The following RSBN1 variants were observed in gnomAD, a reference collection of about 807,000 sequenced individuals.
The protein encoded by RSBN1 is round spermatid basic protein 1.
RSBN1 carries 23 observed loss-of-function variants against 74.8 expected under a neutral mutation model. The ratio of observed to expected loss-of-function variants is 0.31; its 90% CI spans 0.22 to 0.44. The LOEUF (loss-of-function observed/expected upper bound fraction) is 0.44, where lower values mean the gene tolerates loss of function less well. RSBN1 is among the 20% of genes least tolerant of loss of function. RSBN1 has a pLI of 1.00. For missense variants in RSBN1, 808 were observed against 1,020.9 expected, an observed-to-expected ratio of 0.79 and a Z score of 2.84; for synonymous variants, 407 against 379.6, an observed-to-expected ratio of 1.07 and a Z score of -0.84.
Position 113,812,010 on chromosome 1 carries a change from G to A in RSBN1, c.403C>T (p.Pro135Ser). Residue 135 changes from proline (P) to serine (S), a missense_variant, in exon 1 of 7, where the codon CCA (proline) becomes TCA (serine). By Grantham distance (74) the Pro-to-Ser change is moderately conservative (BLOSUM62 -1). Transcript: ENST00000261441. Reference sequence around the variant, plus strand: ...AGGAGAAGAGGCTCAACAGGGCCTGGGACAGTTGGGGCTGCATTCGTTGGC... The same window carrying A: ...AGGAGAAGAGGCTCAACAGGGCCTGAGACAGTTGGGGCTGCATTCGTTGGC... ...LPPTNAAPTVPGPVEPLLLPP... is the reference protein window; with the variant it reads ...LPPTNAAPTVSGPVEPLLLPP... The A allele has an allele frequency of 1.3e-6, 2 of 1,544,686 alleles. No individual in the cohort carries two copies. The highest frequency in any genetic ancestry group is 1.7e-6 in the Non-Finnish European group (2 of 1,145,496).
At position 113,764,341 on chromosome 1, in the gene RSBN1, G is replaced by A. The variant is rs1482460072; in HGVS notation, c.*1639C>T. 6.6e-6 allele frequency: 1 copy of A among 152,586 alleles called. No individual in the cohort carries two copies. The highest frequency in any genetic ancestry group is 1.9e-4 in the East Asian group (1 of 5,338). The allele number at this position is 152,586 out of a possible 1,614,324, so 9.5% of individuals were successfully genotyped here. A position where few individuals can be genotyped will look rare whatever the true frequency, so the allele number is the denominator to read the frequency against. ...GTATCCCTATTTGTCTTCATCCTTT[G>A]TAACAGAGAATACATACATATACAT... On this transcript the variant is annotated 3_prime_UTR_variant, in exon 7 of 7. Transcript: ENST00000261441.
chr1:113,769,496 T>A (rs530499763), intron 4 of RSBN1, among the ~76,000 whole-genome samples: 1 of 152,182 alleles, frequency 6.6e-6, no homozygotes, highest in Admixed American at 6.6e-5. Flanking sequence ...GAATTAGCCA[T>A]GAGTTGACAG....
chr1:113,780,073 C>T (rs1660108386), intron 2 of RSBN1, among the ~76,000 whole-genome samples: 1 of 151,982 alleles, frequency 6.6e-6, no homozygotes, highest in Non-Finnish European at 1.5e-5. Flanking sequence ...CAACTATTCC[C>T]AGTCTCAGAA....
intron 1 of RSBN1, among the ~76,000 whole-genome samples, chr1:113,809,153 T>TA (rs1053480913): frequency 2.6e-5 from 4 of 152,164 alleles, no homozygotes; most frequent in Non-Finnish European, 5.9e-5. Context: ...TTATTAATCT[T>TA]AGAGTTGTTT....
chr1:113,778,652 T>C (rs1660080223), intron 2 of RSBN1, among the ~76,000 whole-genome samples: 1 of 152,078 alleles, frequency 6.6e-6, no homozygotes, highest in Non-Finnish European at 1.5e-5. Flanking sequence ...CCTCCAGTGA[T>C]TTTTCTCTTG....
chr1:113,809,286 G>T (rs1660780645), intron 1 of RSBN1, among the ~76,000 whole-genome samples: 1 of 152,128 alleles, frequency 6.6e-6, no homozygotes, highest in Non-Finnish European at 1.5e-5. Context: ...CCTTATAAAT[G>T]AAATACCACA....
At chr1:113,794,992 C>G (rs1181841505) in intron 2 of RSBN1, among the ~76,000 whole-genome samples, 1 of 152,146 alleles carries the variant, frequency 6.6e-6, no homozygotes, top group East Asian at 1.9e-4. Context: ...GACTTTATTT[C>G]TAGGTTTAAC....
In RSBN1 at chr1:113,811,714, C is replaced by T; in HGVS notation, c.699G>A (p.Lys233=). 1.9e-6 allele frequency: 3 copies of T among 1,594,356 alleles called. No individual in the cohort carries two copies. The highest frequency in any genetic ancestry group is 1.3e-5 in the African/African-American group (1 of 74,688). The change falls in exon 1 of 7, where the codon AAG becomes AAA. Residue 233 remains lysine (K), a synonymous_variant. Transcript: ENST00000261441. ...TGGVPLIKAP[K]RETPDENGKT... is the part of the protein sequence containing the mutation. ...GGGCAGTTTGCCTGCTCTCACCTCTCTTGGGGGCTTTGATCAGAGGCACCC... is the reference window on the plus strand; with the variant it reads ...GGGCAGTTTGCCTGCTCTCACCTCTTTTGGGGGCTTTGATCAGAGGCACCC...
chr1:113,782,036 T>C (rs1489763816), intron 2 of RSBN1, among the ~76,000 whole-genome samples: 2 of 152,188 alleles, frequency 1.3e-5, no homozygotes, highest in Non-Finnish European at 2.9e-5. Context: ...AGAAAATCCT[T>C]TTTAAGGAAG....
rs58152175 is a variant in RSBN1, at chr1:113,776,810, CAAAAAA to C, written c.1658+394_1658+399del. Among the ~76,000 whole-genome samples, 213 of 90,272 alleles carry C rather than the reference CAAAAAA, an allele frequency of 2.4e-3. 2 individuals carry two copies. The highest frequency in any genetic ancestry group is 8.9e-3 in the African/African-American group (208 of 23,464). The allele number at this position is 90,272 out of a possible 152,430, so 59.2% of individuals were successfully genotyped here. A position where few individuals can be genotyped will look rare whatever the true frequency, so the allele number is the denominator to read the frequency against. ...TGGGCAACAGAGTGAGACCCTATCTCAAAAAAAAAAAAAAAAAAAAAATAGTGCAAA... is the reference window on the plus strand; with the variant it reads ...TGGGCAACAGAGTGAGACCCTATCTCAAAAAAAAAAAAAAAATAGTGCAAA... On this transcript the variant is annotated intron_variant, in intron 4 of 6. Coordinates refer to ENST00000261441, the MANE Select transcript of RSBN1 (RefSeq NM_018364.5).
intron 4 of RSBN1, among the ~76,000 whole-genome samples, chr1:113,775,186 A>T (rs1360337264): frequency 6.6e-6 from 1 of 151,782 alleles, no homozygotes; most frequent in Non-Finnish European, 1.5e-5. Flanking sequence ...CACCATGCCC[A>T]GCTAATTTTT....
chr1:113,777,451 A>G (rs985398237), intron 3 of RSBN1, 99 bp from the exon 4 acceptor site: 10 of 1,176,524 alleles, frequency 8.5e-6, no homozygotes, highest in Non-Finnish European at 1.2e-5. Context: ...CTTTTTTACA[A>G]CTGTATATAA....
chr1:113,798,979 T>A (rs539357311), intron 1 of RSBN1, among the ~76,000 whole-genome samples: 1 of 152,322 alleles, frequency 6.6e-6, no homozygotes, highest in Admixed American at 6.5e-5. Context: ...TTAAGCTTTG[T>A]ATCCCCATCT....
At chr1:113,773,595 G>A (rs1034473927) in intron 4 of RSBN1, among the ~76,000 whole-genome samples, 10 of 152,166 alleles carry the variant, frequency 6.6e-5, no homozygotes, top group Non-Finnish European at 1.3e-4. Flanking sequence ...AAATGTTAGT[G>A]GAGAGTATGA....
intron 4 of RSBN1, among the ~76,000 whole-genome samples, chr1:113,774,749 G>T (rs1480903703): frequency 6.6e-6 from 1 of 151,938 alleles, no homozygotes; most frequent in African/African-American, 2.4e-5. Context: ...CCAGATACTT[G>T]GTGGGGCTGA....
At position 113,768,504 on chromosome 1, in the gene RSBN1, A is replaced by T. The variant is rs1283987062; in HGVS notation, c.1659-115T>A. 13 of 664,120 alleles carry T rather than the reference A, an allele frequency of 2.0e-5. No individual in the cohort carries two copies. In the Admixed American group the frequency reaches 3.6e-4, roughly 18 times the overall value. The allele number at this position is 664,120 out of a possible 1,614,324, so 41.1% of individuals were successfully genotyped here. A position where few individuals can be genotyped will look rare whatever the true frequency, so the allele number is the denominator to read the frequency against. ...TGCTAAAATACCAGATTTAAATAAG[A>T]TGAGGACTGAGAAGGGTTCAATGAT... On this transcript the variant is annotated intron_variant, in intron 4 of 6. Transcript: ENST00000261441.
At chr1:113,788,532 C>T (rs953555924) in intron 2 of RSBN1, among the ~76,000 whole-genome samples, 5 of 152,026 alleles carry the variant, frequency 3.3e-5, no homozygotes, top group African/African-American at 1.2e-4. Context: ...ATTCTGAAAG[C>T]TTCCAGAGAG....
chr1:113,803,017 C>T (rs74519637), intron 1 of RSBN1, among the ~76,000 whole-genome samples: 1,694 of 152,322 alleles, frequency 0.011, 19 homozygotes, highest in Middle Eastern at 0.041. Flanking sequence ...GCAACCCTCT[C>T]TAAAACCCCT....
chr1:113,812,445 A>G lies in RSBN1; in HGVS notation c.-33T>C. 2 of 1,550,198 alleles carry G rather than the reference A, an allele frequency of 1.3e-6. No homozygotes were observed. The highest frequency in any genetic ancestry group is 1.7e-6 in the Non-Finnish European group (2 of 1,155,174). Reference sequence around the variant, plus strand: ...GCGGCCGTTCCCAGCTTTTCTCCGCAGGCCTCTCCAACCGAGCTTCTATTG... The same window carrying G: ...GCGGCCGTTCCCAGCTTTTCTCCGCGGGCCTCTCCAACCGAGCTTCTATTG... On this transcript the variant is annotated 5_prime_UTR_variant, in exon 1 of 7. Coordinates refer to ENST00000261441, the MANE Select transcript of RSBN1 (RefSeq NM_018364.5).
Sources: allele counts gnomAD v4.1 joint callset (sites outside exome capture counted in the v4.1 genomes callset), GRCh38; gene constraint gnomAD v4.1.1; transcripts MANE v1.5; gene names NCBI Gene and HGNC (gene_info 2026-07-23, HGNC 2026-07-21).